The following MZT2B variants were observed in gnomAD, a reference collection of about 807,000 sequenced individuals.
MZT2B encodes mitotic spindle organizing protein 2B.
Under a neutral mutation model 12.1 loss-of-function variants are expected in MZT2B, and 11 were observed. That is an observed-to-expected ratio of 0.91 (90% CI 0.57 to 1.50). MZT2B has a LOEUF of 1.50. MZT2B is among the 40% of genes most tolerant of loss of function. The probability of loss-of-function intolerance (pLI) is 0.00; values close to 1 mark genes in which losing one functional copy is unlikely to be tolerated. For synonymous variants in MZT2B, 85 were observed against 109.5 expected, an observed-to-expected ratio of 0.78 and a Z score of 1.40; for missense variants, 209 against 227.7, an observed-to-expected ratio of 0.92 and a Z score of 0.53.
chr2:130,182,933 C>T (rs1157979920), intron 2 of MZT2B, 158 bp downstream of exon 2: 78 of 984,848 alleles, frequency 7.9e-5, no homozygotes, highest in Non-Finnish European at 1.1e-4. Context: ...TGCTCCTGGG[C>T]TTCGCTGCCA....
At chr2:130,195,425 C>T (rs555284685), downstream of MZT2B, among the ~76,000 whole-genome samples, 10 of 152,232 alleles carry the variant, frequency 6.6e-5, no homozygotes, top group African/African-American at 1.4e-4. Context: ...TATGACTCTA[C>T]GACGTTAAAC....
downstream of MZT2B, among the ~76,000 whole-genome samples, chr2:130,192,668 AG>A (rs1690294901): frequency 6.6e-6 from 1 of 152,206 alleles, no homozygotes; most frequent in East Asian, 1.9e-4. Context: ...CTGCCTAAGT[AG>A]GGGGTGACAT....
chr2:130,183,629 T>A (rs946806992), intron 2 of MZT2B: 1 of 1,260,476 alleles, frequency 7.9e-7, no homozygotes, highest in Non-Finnish European at 1.1e-6. Flanking sequence ...CGCACAGGCA[T>A]CCTGAGAAGG....
the MZT2B span, among the ~76,000 whole-genome samples, chr2:130,204,710 GGT>G: frequency 0.37 from 47,074 of 127,342 alleles, 8,432 homozygotes; most frequent in Admixed American, 0.42. Flanking sequence ...AAAAAGGGGG[GGT>G]GGGGAGGAAG....
At chr2:130,204,464 G>A in the MZT2B span, 1 of 353,098 alleles carries the variant, frequency 2.8e-6, no homozygotes, top group South Asian at 2.3e-5. Context: ...GTCGAGGCGG[G>A]TGGATGGCCT....
chr2:130,196,947 C>A, the MZT2B span, among the ~76,000 whole-genome samples: 1 of 152,212 alleles, frequency 6.6e-6, no homozygotes, highest in Non-Finnish European at 1.5e-5. Flanking sequence ...TGGCAGGCAG[C>A]AGTGGGATAC....
At chr2:130,191,541 G>A (rs1375396557), downstream of MZT2B, among the ~76,000 whole-genome samples, 1 of 152,156 alleles carries the variant, frequency 6.6e-6, no homozygotes, top group Non-Finnish European at 1.5e-5. Flanking sequence ...TAGAATTTAG[G>A]AAATCTATAC....
the MZT2B span, among the ~76,000 whole-genome samples, chr2:130,197,066 C>A: frequency 6.6e-6 from 1 of 152,170 alleles, no homozygotes; most frequent in African/African-American, 2.4e-5. Flanking sequence ...TGGCAGGCTG[C>A]CCTCTTCATA....
downstream of MZT2B, chr2:130,194,547 T>G (rs1690358364): frequency 6.9e-7 from 1 of 1,442,494 alleles, no homozygotes. Context: ...CGCTTCTCTT[T>G]GCCTCTAAAG....
At chr2:130,200,668 G>A in the MZT2B span, among the ~76,000 whole-genome samples, 1 of 152,196 alleles carries the variant, frequency 6.6e-6, no homozygotes, top group South Asian at 2.1e-4. Context: ...AACAGGAAAG[G>A]GGAAGGCACA....
At chr2:130,199,883 G>A in the MZT2B span, among the ~76,000 whole-genome samples, 2 of 151,748 alleles carry the variant, frequency 1.3e-5, no homozygotes, top group African/African-American at 4.8e-5. Context: ...ATCACTTGAG[G>A]TCAGGAGTTC....
At chr2:130,183,884 C>G (rs1184403501) in intron 2 of MZT2B, 6 of 1,550,636 alleles carry the variant, frequency 3.9e-6, no homozygotes, top group Middle Eastern at 1.7e-4. Context: ...TGCTCCACAG[C>G]CCGGCTGCCA....
At chr2:130,204,022 C>T in the MZT2B span, 1 of 335,088 alleles carries the variant, frequency 3.0e-6, no homozygotes, top group Non-Finnish European at 5.9e-6. Context: ...GGGCTTTTTC[C>T]AAGCAGGGGA....
the MZT2B span, chr2:130,196,502 A>G: frequency 7.7e-7 from 1 of 1,301,874 alleles, no homozygotes. Context: ...GATATTTCCT[A>G]GGAGGGTTAG....
downstream of MZT2B, among the ~76,000 whole-genome samples, chr2:130,191,418 A>G (rs1027971289): frequency 1.3e-5 from 2 of 152,160 alleles, no homozygotes; most frequent in African/African-American, 4.8e-5. Flanking sequence ...CTTCATGGAC[A>G]AGCCCCATCC....
At chr2:130,188,881 G>T (rs1690159571) in intron 2 of MZT2B, among the ~76,000 whole-genome samples, 1 of 151,988 alleles carries the variant, frequency 6.6e-6, no homozygotes, top group African/African-American at 2.4e-5. Context: ...ATGACCTAAT[G>T]GATCTCTAGA....
chr2:130,199,249 A>G, the MZT2B span, among the ~76,000 whole-genome samples: 1 of 121,454 alleles, frequency 8.2e-6, no homozygotes, highest in Non-Finnish European at 1.8e-5. Context: ...AAATTAACGT[A>G]AGTGGAGAGG....
At chr2:130,204,280 G>A in the MZT2B span, 26 of 501,164 alleles carry the variant, frequency 5.2e-5, no homozygotes, top group Non-Finnish European at 8.6e-5. Flanking sequence ...TGAGCTCATG[G>A]CAGAGCTCTA....
At chr2:130,190,058 A>G (rs1264402836) in intron 2 of MZT2B, among the ~76,000 whole-genome samples, 1 of 152,166 alleles carries the variant, frequency 6.6e-6, no homozygotes. Context: ...CAGCATGAAC[A>G]CACCTTGAGG....
Sources: allele counts gnomAD v4.1 joint callset (sites outside exome capture counted in the v4.1 genomes callset), GRCh38; gene constraint gnomAD v4.1.1; transcripts MANE v1.5; gene names NCBI Gene and HGNC (gene_info 2026-07-23, HGNC 2026-07-21).